Variants in ATF7IP2 observed in about 807,000 individuals in gnomAD.
ATF7IP2 encodes the protein activating transcription factor 7 interacting protein 2, also known as activating transcription factor 7-interacting protein 2.
In ATF7IP2, 42 loss-of-function variants were observed where a neutral mutation model predicts 64.2. The ratio of observed to expected loss-of-function variants is 0.65; its 90% confidence interval spans 0.51 to 0.85. The LOEUF is 0.85. Ranked by LOEUF, ATF7IP2 falls within the 40% of genes least tolerant of loss-of-function variation. The pLI is 0.00. For missense variants in ATF7IP2, 933 were observed against 784.2 expected, an observed-to-expected ratio of 1.19 and a Z score of -2.27; for synonymous variants, 308 against 272.8, an observed-to-expected ratio of 1.13 and a Z score of -1.27.
chr16:10,389,705 G>A (rs986191767), intron 1 of ATF7IP2, among the ~76,000 whole-genome samples: 6 of 152,120 alleles, frequency 3.9e-5, no homozygotes, highest in African/African-American at 1.2e-4. Flanking sequence ...TTAGATATTC[G>A]GGAGTGCTGG....
At chr16:10,468,123 T>C (rs1334237904) in intron 9 of ATF7IP2, among the ~76,000 whole-genome samples, 1 of 128,140 alleles carries the variant, frequency 7.8e-6, no homozygotes, top group Non-Finnish European at 1.5e-5. Flanking sequence ...CAGGTGATCC[T>C]CCCACCTCCA....
intron 9 of ATF7IP2, among the ~76,000 whole-genome samples, chr16:10,459,598 G>C (rs1273990097): frequency 6.6e-6 from 1 of 151,928 alleles, no homozygotes; most frequent in African/African-American, 2.4e-5. Flanking sequence ...AGTGAGCTGA[G>C]ATCACGCCAC....
intron 2 of ATF7IP2, among the ~76,000 whole-genome samples, chr16:10,416,479 G>T (rs868388663): frequency 6.6e-6 from 1 of 152,088 alleles, no homozygotes; most frequent in Admixed American, 6.6e-5. Flanking sequence ...GAAGGTGGGG[G>T]TGGTTAATGG....
chr16:10,471,091 A>T (rs2142066173), intron 9 of ATF7IP2, among the ~76,000 whole-genome samples: 1 of 152,258 alleles, frequency 6.6e-6, no homozygotes, highest in South Asian at 2.1e-4. Flanking sequence ...GTTTAACAGG[A>T]AAAGATGTTC....
At chr16:10,461,102 T>C (rs762311758) in intron 9 of ATF7IP2, among the ~76,000 whole-genome samples, 1 of 152,170 alleles carries the variant, frequency 6.6e-6, no homozygotes, top group African/African-American at 2.4e-5. Context: ...GTGTTTATCT[T>C]CATTAGTAAT....
At chr16:10,406,303 G>A (rs1428840882) in intron 1 of ATF7IP2, among the ~76,000 whole-genome samples, 1 of 151,982 alleles carries the variant, frequency 6.6e-6, no homozygotes, top group Non-Finnish European at 1.5e-5. Context: ...ATGGGGTTTT[G>A]CCACGTTGCT....
At chr16:10,454,576 T>G (rs77800744) in intron 8 of ATF7IP2, among the ~76,000 whole-genome samples, 2,125 of 152,138 alleles carry the variant, frequency 0.014, 51 homozygotes, top group African/African-American at 0.048. Flanking sequence ...TTTTCTTTAT[T>G]TTGATTCCTG....
Position 10,434,120 on chromosome 16 carries a change from A to G in ATF7IP2, c.960+471A>G, listed in dbSNP as rs145854728. Among the ~76,000 whole-genome samples, 985 of 152,242 alleles carry G rather than the reference A, an allele frequency of 6.5e-3. 7 individuals carry two copies. Among genetic ancestry groups the G allele is most frequent in the South Asian group, 0.016 (76 of 4,816 alleles). ...CTGTGCATTCAGGTTTACTTGCCCT[A>G]TTTTCCAAACTTAAACGGATATGGT... is the stretch of plus-strand genomic sequence containing the variant. On this transcript the variant is annotated intron_variant, in intron 6 of 13. Transcript: ENST00000562102.
At chr16:10,389,146 G>A (rs561461887) in intron 1 of ATF7IP2, among the ~76,000 whole-genome samples, 65 of 152,242 alleles carry the variant, frequency 4.3e-4, no homozygotes, top group South Asian at 1.0e-3. Flanking sequence ...TAATATGACA[G>A]TTCTGGTCAA....
intron 1 of ATF7IP2, among the ~76,000 whole-genome samples, chr16:10,387,943 C>G (rs2047236650): frequency 6.6e-6 from 1 of 150,762 alleles, no homozygotes; most frequent in East Asian, 2.0e-4. Flanking sequence ...CGCTCTTTGG[C>G]TCAGGCTGGA....
At chr16:10,457,111 T>C (rs2049195932) in intron 8 of ATF7IP2, among the ~76,000 whole-genome samples, 1 of 152,220 alleles carries the variant, frequency 6.6e-6, no homozygotes, top group Non-Finnish European at 1.5e-5. Flanking sequence ...AAGTGTTGTC[T>C]AAGTACCTGA....
At chr16:10,416,686 A>G (rs1289745020) in intron 2 of ATF7IP2, among the ~76,000 whole-genome samples, 3 of 152,208 alleles carry the variant, frequency 2.0e-5, no homozygotes, top group Non-Finnish European at 4.4e-5. Context: ...AATCCCTGCT[A>G]CTCAGGAGGC....
chr16:10,448,978 A>G (rs1175878639), intron 8 of ATF7IP2: 1 of 152,160 alleles, frequency 6.6e-6, no homozygotes, highest in East Asian at 1.9e-4. Context: ...ATTTTGAGAT[A>G]TGTTCCATCA....
At position 10,457,543 on chromosome 16, in the gene ATF7IP2, C is replaced by CA. The variant is rs761531766; in HGVS notation, c.1352+19dup. The CA allele has an allele frequency of 6.6e-7, 1 of 1,524,226 alleles. No individual in the cohort carries two copies. The highest frequency in any genetic ancestry group is 2.3e-5 in the Admixed American group (1 of 43,116). 94.4% of individuals were successfully genotyped at this position (1,524,226 alleles called of 1,614,324 possible). On this transcript the variant is annotated intron_variant, in intron 9 of 13. Coordinates refer to ENST00000562102, the MANE Select transcript of ATF7IP2 (RefSeq NM_001393719.1). ...TGTTTCTGAAAGGTAGGTGTTTCTGCAAAAATGCATAAATTTATCTAAATC... is the reference window on the plus strand; with the variant it reads ...TGTTTCTGAAAGGTAGGTGTTTCTGCAAAAAATGCATAAATTTATCTAAATC...
At position 10,477,414 on chromosome 16, in the gene ATF7IP2, C is replaced by A. The variant is rs529672817; in HGVS notation, c.1549+3425C>A. Among the ~76,000 whole-genome samples, 289 of 152,158 alleles carry A rather than the reference C, an allele frequency of 1.9e-3. 1 individual carries two copies. The highest frequency in any genetic ancestry group is 6.1e-3 in the African/African-American group (255 of 41,502). On this transcript the variant is annotated intron_variant, in intron 12 of 13. Transcript: ENST00000562102. ...CAATAGATGCAGAAAAGGCCTTTGA[C>A]AAAATTCAACAACCCTTCATGCTAA...
chr16:10,440,279 T>A (rs888745495), intron 7 of ATF7IP2, 85 bp from the exon 8 acceptor site: 16 of 620,864 alleles, frequency 2.6e-5, no homozygotes, highest in Non-Finnish European at 4.0e-5. Context: ...CTTACAAAAC[T>A]ACTTTGGCAA....
chr16:10,392,338 C>CTTT (rs78965141), intron 1 of ATF7IP2, among the ~76,000 whole-genome samples: 1 of 138,096 alleles, frequency 7.2e-6, no homozygotes, highest in African/African-American at 2.7e-5. Context: ...TGCGCCTGGC[C>CTTT]TTTTTTTTTT....
In ATF7IP2 at chr16:10,393,754, T is replaced by C. The variant is rs137902976; in HGVS notation, c.-242+7632T>C. ...AAGTCACACAGCATCTGTATGTCAATAGTAATATGAAGGCCAGGTACAGTG... is the reference window on the plus strand; with the variant it reads ...AAGTCACACAGCATCTGTATGTCAACAGTAATATGAAGGCCAGGTACAGTG... On this transcript the variant is annotated intron_variant, in intron 1 of 13. Coordinates refer to ENST00000562102, the MANE Select transcript of ATF7IP2 (RefSeq NM_001393719.1). Among the ~76,000 whole-genome samples the C allele has an allele frequency of 4.5e-4, 68 of 152,242 alleles. 1 individual carries two copies. Among genetic ancestry groups the C allele is most frequent in the Admixed American group, 1.6e-3 (24 of 15,288 alleles).
intron 1 of ATF7IP2, among the ~76,000 whole-genome samples, chr16:10,395,134 A>G (rs1046119034): frequency 2.0e-5 from 3 of 152,120 alleles, no homozygotes; most frequent in African/African-American, 7.2e-5. Flanking sequence ...GAATGAGGGG[A>G]CATTACTTCT....
Sources: gnomAD v4.1 joint callset for allele counts (sites outside exome capture counted in the v4.1 genomes callset) on GRCh38, gnomAD v4.1.1 for gene constraint, MANE v1.5 for transcripts, NCBI Gene and HGNC (gene_info 2026-07-23, HGNC 2026-07-21) for gene names.